SLC29A4: variants seen among roughly 807,000 people sequenced by gnomAD.
The protein encoded by SLC29A4 is equilibrative nucleoside transporter 4.
In SLC29A4, 36 loss-of-function variants were observed where a neutral mutation model predicts 43.9. The observed-to-expected ratio is 0.82, with a 90% confidence interval of 0.63 to 1.08. The LOEUF is 1.08. Among genes scored for constraint, SLC29A4 ranks in the 50% least tolerant of loss-of-function variants. The pLI, the probability that SLC29A4 is intolerant of heterozygous loss-of-function variation, is 0.00. For synonymous variants in SLC29A4, 491 were observed against 338.0 expected (o/e 1.45, Z -4.97); for missense variants, 869 against 755.3 (o/e 1.15, Z -1.77).
intron 5 of SLC29A4, among the ~76,000 whole-genome samples, chr7:5,293,445 CA>C (rs375469043): frequency 3.9e-5 from 6 of 152,298 alleles, no homozygotes; most frequent in African/African-American, 1.4e-4. Context: ...GCTAGGATTA[CA>C]GGCGTGAGCC....
At chr7:5,301,241 C>G (rs1786138385) in intron 10 of SLC29A4, among the ~76,000 whole-genome samples, 1 of 144,310 alleles carries the variant, frequency 6.9e-6, no homozygotes, top group Non-Finnish European at 1.5e-5. Flanking sequence ...GCCTGGGTGA[C>G]AGAGCAAGAT....
chr7:5,300,713 C>T, intron 10 of SLC29A4, 51 bp downstream of exon 10: 8 of 1,582,380 alleles, frequency 5.1e-6, no homozygotes, highest in Non-Finnish European at 6.8e-6. Context: ...CAGCGCAATG[C>T]CCCCCTCGCG....
chr7:5,287,991 T>G lies in SLC29A4; in HGVS notation c.169+6T>G. The G allele has an allele frequency of 6.2e-7, 1 of 1,605,132 alleles. No homozygotes were observed. The highest frequency in any genetic ancestry group is 8.5e-7 in the Non-Finnish European group (1 of 1,176,842). The stretch of plus-strand genomic sequence containing the variant: ...CCCAGCTTTCACGGATACTAGTAAG[T>G]AGGCGTGCGGGCAAGGTGCGGGTCT... On this transcript the variant is annotated splice_donor_region_variant and intron_variant, in intron 2 of 10. Coordinates refer to ENST00000396872, the MANE Select transcript of SLC29A4 (RefSeq NM_153247.4).
At chr7:5,288,068 G>A (rs970499147) in intron 2 of SLC29A4, 83 bp downstream of exon 2, 37 of 1,468,136 alleles carry the variant, frequency 2.5e-5, no homozygotes, top group African/African-American at 5.6e-5. Context: ...TTGCGGTATC[G>A]GGGAGCCATG....
At position 5,294,854 on chromosome 7, in the gene SLC29A4, CT is replaced by C. The variant is rs1785541696; in HGVS notation, c.545-4del. 6.2e-7 allele frequency: 1 copy of C among 1,612,308 alleles called. No individual in the cohort carries two copies. The highest frequency in any genetic ancestry group is 2.2e-5 in the East Asian group (1 of 44,816). On this transcript the variant is annotated splice_polypyrimidine_tract_variant and splice_region_variant and intron_variant, in intron 5 of 10. Transcript: ENST00000396872. Reference sequence around the variant, plus strand: ...CTCTGGGTTGTTCCTCTCTCTCTCTCTTAAGTGCAGCAATCCAGCTTCTACG... The same window carrying C: ...CTCTGGGTTGTTCCTCTCTCTCTCTCTAAGTGCAGCAATCCAGCTTCTACG...
At chr7:5,291,000 G>C in intron 3 of SLC29A4, 124 bp from the exon 4 acceptor site, 2 of 1,524,908 alleles carry the variant, frequency 1.3e-6, no homozygotes, top group Non-Finnish European at 1.8e-6. Context: ...GAGCTGCTGA[G>C]TGACCTCAGG....
At chr7:5,298,715 G>T (rs1785893772) in intron 7 of SLC29A4, among the ~76,000 whole-genome samples, 1 of 152,146 alleles carries the variant, frequency 6.6e-6, no homozygotes, top group Non-Finnish European at 1.5e-5. Context: ...TGGGAGGATT[G>T]CCTGAGCCCA....
At chr7:5,288,549 C>A (rs1785107403) in intron 2 of SLC29A4, among the ~76,000 whole-genome samples, 1 of 151,942 alleles carries the variant, frequency 6.6e-6, no homozygotes, top group Non-Finnish European at 1.5e-5. Context: ...GCCTCGGCCT[C>A]CCAAAGTGCT....
intron 6 of SLC29A4, 45 bp from the exon 7 acceptor site, chr7:5,296,891 G>A (rs1016254945): frequency 1.4e-6 from 2 of 1,425,310 alleles, no homozygotes; most frequent in African/African-American, 2.8e-5. Flanking sequence ...GGCGGTGCAG[G>A]GAGCTGGGCG....
At position 5,287,953 on chromosome 7, in the gene SLC29A4, G is replaced by A; in HGVS notation, c.137G>A (p.Arg46Lys). ...AAEAAQGQGL[R>K]ARGVPAFTDT... ...GAGGCGGCTCAGGGCCAGGGCCTTA[G>A]GGCCAGGGGCGTCCCAGCTTTCACG... is the stretch of plus-strand genomic sequence containing the variant. Residue 46 changes from arginine to lysine, a missense_variant, in exon 2 of 11, where the codon AGG (arginine) becomes AAG (lysine). Coordinates refer to ENST00000396872, the MANE Select transcript of SLC29A4 (RefSeq NM_153247.4). 1.2e-6 allele frequency: 2 copies of A among 1,610,374 alleles called. No individual in the cohort carries two copies. Among genetic ancestry groups the A allele is most frequent in the Non-Finnish European group, 8.5e-7 (1 of 1,179,356 alleles).
rs747724798 is a variant in SLC29A4, at chr7:5,290,744, C to T, written c.182C>T (p.Pro61Leu). 2.5e-6 allele frequency: 4 copies of T among 1,611,896 alleles called. No individual in the cohort carries two copies. Among genetic ancestry groups the T allele is most frequent in the Non-Finnish European group, 3.4e-6 (4 of 1,178,446 alleles). Reference protein sequence around the residue: ...PAFTDTTLDEPVPDDRYHAIY... With the variant: ...PAFTDTTLDELVPDDRYHAIY... The stretch of plus-strand genomic sequence containing the variant: ...TCTCTGGCTTTAGCATTGGACGAGC[C>T]AGTGCCCGATGACCGTTATCACGCC... Residue 61 changes from proline to leucine, a missense_variant, in exon 3 of 11, where the codon CCA becomes CTA. Transcript: ENST00000396872.
Position 5,294,844 on chromosome 7 carries a change from C to G in SLC29A4, c.545-16C>G. ...ATAATGGTGCCTCTGGGTTGTTCCTCTCTCTCTCTCTTAAGTGCAGCAATC... is the reference window on the plus strand; with the variant it reads ...ATAATGGTGCCTCTGGGTTGTTCCTGTCTCTCTCTCTTAAGTGCAGCAATC... On this transcript the variant is annotated splice_polypyrimidine_tract_variant and intron_variant, in intron 5 of 10. Coordinates refer to ENST00000396872, the MANE Select transcript of SLC29A4 (RefSeq NM_153247.4). 1 of 1,606,524 alleles carries G rather than the reference C, an allele frequency of 6.2e-7. No homozygotes were observed. Among genetic ancestry groups the G allele is most frequent in the Non-Finnish European group, 8.5e-7 (1 of 1,175,012 alleles).
chr7:5,299,533 TC>T, intron 9 of SLC29A4, 106 bp downstream of exon 9: 3 of 1,248,754 alleles, frequency 2.4e-6, no homozygotes, highest in Non-Finnish European at 3.3e-6. Context: ...TGCATGTGGC[TC>T]CCAGGTGGAA....
rs1247444614 is a variant in SLC29A4, at chr7:5,299,042, C to G, written c.937C>G (p.His313Asp). 5.6e-6 allele frequency: 9 copies of G among 1,612,122 alleles called. No individual in the cohort carries two copies. The highest frequency in any genetic ancestry group is 7.6e-6 in the Non-Finnish European group (9 of 1,179,916). Reference sequence around the variant, plus strand: ...CGAGTCCCCAAAGGACAGCCCAGCCCACGAGGTGACCGGCAGCGGCGGGGC... The same window carrying G: ...CGAGTCCCCAAAGGACAGCCCAGCCGACGAGGTGACCGGCAGCGGCGGGGC... ...PNESPKDSPA[H>D]EVTGSGGAYM... Residue 313 changes from histidine (H) to aspartate (D), a missense_variant, in exon 8 of 11, where the codon CAC becomes GAC. By Grantham distance (81) the His-to-Asp change is moderately conservative. Transcript: ENST00000396872.
Position 5,303,222 on chromosome 7 carries a change from C to T in SLC29A4, c.*283C>T, listed in dbSNP as rs1447824417. The T allele has an allele frequency of 2.9e-5, 15 of 515,000 alleles. No individual in the cohort carries two copies. Among genetic ancestry groups the T allele is most frequent in the East Asian group, 6.9e-5 (2 of 29,146 alleles). 31.9% of individuals were successfully genotyped at this position (515,000 alleles called of 1,614,324 possible). A position where few individuals can be genotyped will look rare whatever the true frequency, so the allele number is the denominator to read the frequency against. On this transcript the variant is annotated 3_prime_UTR_variant, in exon 11 of 11. Transcript: ENST00000396872. Reference sequence around the variant, plus strand: ...ACCTTCCATCTGTGTCCAGCGGCCCCGGCTCCAGCCCAGCCAGCACTCTGC... The same window carrying T: ...ACCTTCCATCTGTGTCCAGCGGCCCTGGCTCCAGCCCAGCCAGCACTCTGC...
chr7:5,291,924 G>A (rs1359856173), intron 5 of SLC29A4, 103 bp downstream of exon 5: 6 of 1,482,008 alleles, frequency 4.0e-6, no homozygotes, highest in Middle Eastern at 2.5e-4. Flanking sequence ...GATGGGAACC[G>A]GGCTGGCTGG....
At chr7:5,299,473 G>A (rs756316219) in intron 9 of SLC29A4, 46 bp downstream of exon 9, 6 of 1,576,908 alleles carry the variant, frequency 3.8e-6, no homozygotes, top group South Asian at 2.4e-5. Context: ...CATGGGGTGG[G>A]GGTGACAAGG....
chr7:5,291,719 C>T lies in SLC29A4; in HGVS notation c.442C>T (p.Leu148Phe). ...CTACCTCTTAGCCTTGGGCCCTCTC[C>T]TTTTTATCAGCATCTGCGACGTGTG... ...AGYLLALGPL[L>F]FISICDVWLQ... The change falls in exon 5 of 11, where the codon CTT becomes TTT. Residue 148 changes from leucine (L) to phenylalanine (F), a missense_variant. By Grantham distance (22) the Leu-to-Phe change is conservative. Coordinates refer to ENST00000396872, the MANE Select transcript of SLC29A4 (RefSeq NM_153247.4). 1.2e-6 allele frequency: 2 copies of T among 1,611,908 alleles called. No homozygotes were observed. Among genetic ancestry groups the T allele is most frequent in the Non-Finnish European group, 1.7e-6 (2 of 1,179,776 alleles).
Position 5,299,058 on chromosome 7 carries a change from G to A in SLC29A4, c.953G>A (p.Ser318Asn). The A allele has an allele frequency of 1.9e-6, 3 of 1,611,494 alleles. No homozygotes were observed. The highest frequency in any genetic ancestry group is 2.5e-6 in the Non-Finnish European group (3 of 1,179,710). Residue 318 changes from serine (S) to asparagine (N), a missense_variant, in exon 8 of 11, where the codon AGC becomes AAC. Coordinates refer to ENST00000396872, the MANE Select transcript of SLC29A4 (RefSeq NM_153247.4). ...AGCCCAGCCCACGAGGTGACCGGCA[G>A]CGGCGGGGCCTACATGCGCTTTGAT... is the stretch of plus-strand genomic sequence containing the variant. ...KDSPAHEVTG[S>N]GGAYMRFDVP...
Sources: allele counts gnomAD v4.1 joint callset (sites outside exome capture counted in the v4.1 genomes callset), GRCh38; gene constraint gnomAD v4.1.1; transcripts MANE v1.5; gene names NCBI Gene and HGNC (gene_info 2026-07-23, HGNC 2026-07-21).